Variants in USP34 observed in about 807,000 individuals in gnomAD.
USP34 encodes the protein ubiquitin specific peptidase 34, also known as ubiquitin carboxyl-terminal hydrolase 34.
USP34 carries 70 observed loss-of-function variants against 460.3 expected under a neutral mutation model. The ratio of observed to expected loss-of-function variants is 0.15; its 90% CI spans 0.13 to 0.19. USP34 has a LOEUF of 0.19. Ranked by LOEUF, USP34 falls within the 10% of genes least tolerant of loss-of-function variation. The pLI is 1.00. For missense variants in USP34, 3,985 were observed against 4,236.2 expected, an observed-to-expected ratio of 0.94 and a Z score of 1.65; for synonymous variants, 1,647 against 1,405.3, an observed-to-expected ratio of 1.17 and a Z score of -3.85.
In USP34 at chr2:61,330,813, T is replaced by C. The variant is rs183586877; in HGVS notation, c.2930+463A>G. ...TTTTGATGTAATGAGAAAATATTAA[T>C]GATATACCACCAGTTTTAAAACCTT... is the stretch of plus-strand genomic sequence containing the variant. On this transcript the variant is annotated intron_variant, in intron 20 of 79. Coordinates refer to ENST00000398571, the MANE Select transcript of USP34 (RefSeq NM_014709.4). Among the ~76,000 whole-genome samples the C allele has an allele frequency of 1.6e-3, 240 of 152,294 alleles. 1 individual carries two copies. Among genetic ancestry groups the C allele is most frequent in the Non-Finnish European group, 2.0e-3 (133 of 67,996 alleles).
At chr2:61,331,156 C>T in intron 20 of USP34, 120 bp downstream of exon 20, 1 of 838,210 alleles carries the variant, frequency 1.2e-6, no homozygotes, top group South Asian at 1.9e-5. Flanking sequence ...TAATTTTATA[C>T]AAATAAAGTT....
At chr2:61,300,808 CA>C (rs1251239037) in intron 29 of USP34, 142 bp downstream of exon 29, 3,626 of 443,178 alleles carry the variant, frequency 8.2e-3, no homozygotes, top group South Asian at 0.011. Context: ...AAAAAGAAAA[CA>C]AAAAAAAAAT....
rs762264709 is a variant in USP34 at position 61,331,278 on chromosome 2, T to G, written c.2928A>C (p.Ala976=). The change falls in exon 20 of 80, where the codon GCA becomes GCC. Residue 976 remains alanine (A), a splice_region_variant and synonymous_variant. Transcript: ENST00000398571. The part of the protein sequence containing the change: ...QTVREGRQKH[A]LYSHSAEVQV... The stretch of plus-strand genomic sequence containing the variant: ...TAACCCAGTTGAGAGGTACTTACAG[T>G]GCATGTTTTTGTCTTCCTTCTCTCA... 1.9e-6 allele frequency: 3 copies of G among 1,610,754 alleles called. No individual in the cohort carries two copies. The African/African-American group carries it at 4.0e-5, about 22-fold the overall frequency.
intron 18 of USP34, among the ~76,000 whole-genome samples, chr2:61,338,920 TAA>T (rs1260923489): frequency 6.6e-5 from 10 of 152,182 alleles, no homozygotes. Context: ...GCTGAGACAT[TAA>T]AAGATACATC....
chr2:61,241,948 G>T (rs1461164561), intron 51 of USP34, 129 bp from the exon 52 acceptor site: 1 of 509,916 alleles, frequency 2.0e-6, no homozygotes, highest in Non-Finnish European at 3.4e-6. Flanking sequence ...TTCAAACACC[G>T]CCGCCTTCAT....
intron 43 of USP34, chr2:61,265,181 T>G: frequency 1.9e-6 from 1 of 522,092 alleles, no homozygotes; most frequent in Non-Finnish European, 3.3e-6. Context: ...TCCATAGCTG[T>G]GTTTTCCTTT....
At chr2:61,336,666 T>C (rs955904029) in intron 18 of USP34, among the ~76,000 whole-genome samples, 15 of 151,536 alleles carry the variant, frequency 9.9e-5, no homozygotes, top group Non-Finnish European at 1.8e-4. Context: ...AAAAGTTAGC[T>C]GGGCGTGGTG....
chr2:61,469,024 T>C (rs940060003), intron 1 of USP34, among the ~76,000 whole-genome samples: 9 of 152,104 alleles, frequency 5.9e-5, no homozygotes, highest in African/African-American at 2.2e-4. Flanking sequence ...CTGACCAACA[T>C]GGTGAAACCC....
intron 16 of USP34, among the ~76,000 whole-genome samples, chr2:61,342,333 C>CT (rs1691630822): frequency 7.5e-6 from 1 of 133,184 alleles, no homozygotes. Flanking sequence ...CGGAGTCTCA[C>CT]TCTGTCATCC....
chr2:61,337,503 G>C (rs186850686), intron 18 of USP34, among the ~76,000 whole-genome samples: 1 of 152,110 alleles, frequency 6.6e-6, no homozygotes. Context: ...CTCAGGGCTG[G>C]AGTGCAGTGA....
At chr2:61,362,595 G>A (rs1692308214) in intron 10 of USP34, among the ~76,000 whole-genome samples, 1 of 152,186 alleles carries the variant, frequency 6.6e-6, no homozygotes, top group African/African-American at 2.4e-5. Flanking sequence ...TCACTTACAT[G>A]ATGAATTTAA....
At chr2:61,248,755 C>G in intron 48 of USP34, 72 bp from the exon 49 acceptor site, 2 of 1,364,534 alleles carry the variant, frequency 1.5e-6, no homozygotes, top group Non-Finnish European at 9.9e-7. Context: ...TTCTGTTATG[C>G]TATATCCATT....
intron 1 of USP34, among the ~76,000 whole-genome samples, chr2:61,423,782 A>G (rs1694430004): frequency 6.6e-6 from 1 of 152,132 alleles, no homozygotes; most frequent in East Asian, 1.9e-4. Flanking sequence ...CATCTCTAAA[A>G]ATATGTATAT....
rs1694226059 is a variant in USP34, at chr2:61,417,343, T to C, written c.131+3403A>G. 3 of 623,746 alleles carry C rather than the reference T, an allele frequency of 4.8e-6. No homozygotes were observed. The East Asian group carries it at 8.2e-5, about 17-fold the overall frequency. The allele number at this position is 623,746 out of a possible 1,614,324, so 38.6% of individuals were successfully genotyped here. On this transcript the variant is annotated intron_variant, in intron 2 of 79. Coordinates refer to ENST00000398571, the MANE Select transcript of USP34 (RefSeq NM_014709.4). ...ACAGCCATTGCACACTGGACCCCCA[T>C]AAGGAAAGGAATTCAGTCAGCTTAA...
chr2:61,246,046 T>C (rs960683014), intron 50 of USP34, among the ~76,000 whole-genome samples: 3 of 152,204 alleles, frequency 2.0e-5, no homozygotes, highest in South Asian at 4.1e-4. Flanking sequence ...CTTGAATGAA[T>C]AGAGAAGATA....
intron 41 of USP34, among the ~76,000 whole-genome samples, chr2:61,269,084 ATACAT>A (rs1263550950): frequency 1.3e-5 from 2 of 152,218 alleles, no homozygotes; most frequent in African/African-American, 2.4e-5. Flanking sequence ...ATACTAATAA[ATACAT>A]TACAATTACA....
intron 21 of USP34, among the ~76,000 whole-genome samples, chr2:61,322,513 T>C (rs1384551739): frequency 6.6e-6 from 1 of 152,146 alleles, no homozygotes; most frequent in African/African-American, 2.4e-5. Flanking sequence ...GAACAAAACA[T>C]CCCAGGGATT....
intron 57 of USP34, among the ~76,000 whole-genome samples, chr2:61,234,771 T>A (rs566395816): frequency 6.6e-6 from 1 of 151,968 alleles, no homozygotes; most frequent in South Asian, 2.1e-4. Flanking sequence ...TCCCCAGTAG[T>A]TGGGATTACA....
At chr2:61,189,626 A>C (rs1686564852) in intron 78 of USP34, 1 of 152,420 alleles carries the variant, frequency 6.6e-6, no homozygotes, top group Non-Finnish European at 1.5e-5. Flanking sequence ...ACGAACCAGT[A>C]AGTCAGACCA....
Sources: allele counts gnomAD v4.1 joint callset (sites outside exome capture counted in the v4.1 genomes callset), GRCh38; gene constraint gnomAD v4.1.1; transcripts MANE v1.5; gene names NCBI Gene and HGNC (gene_info 2026-07-23, HGNC 2026-07-21).